CHCHD6: variants seen among roughly 807,000 people sequenced by gnomAD.
CHCHD6 encodes MICOS complex subunit MIC25.
Under a neutral mutation model 32.3 loss-of-function variants are expected in CHCHD6, and 28 were observed. That is an observed-to-expected ratio of 0.87 (90% confidence interval 0.64 to 1.19). CHCHD6 has a LOEUF of 1.19. Ranked by LOEUF, CHCHD6 falls within the 50% of genes most tolerant of loss-of-function variation. The probability of loss-of-function intolerance (pLI) is 0.00; values close to 1 mark genes in which losing one functional copy is unlikely to be tolerated. For missense variants in CHCHD6, 333 were observed against 307.0 expected (o/e 1.08, Z -0.63); for synonymous variants, 122 against 117.5 (o/e 1.04, Z -0.25).
At position 126,872,201 on chromosome 3, in the gene CHCHD6, A is replaced by G. The variant is rs534099774; in HGVS notation, c.495+19471A>G. On this transcript the variant is annotated intron_variant, in intron 5 of 7. Coordinates refer to ENST00000290913, the MANE Select transcript of CHCHD6 (RefSeq NM_032343.3). The stretch of plus-strand genomic sequence containing the variant: ...GGCCTGGGATGCAGCTCTCCACCCT[A>G]CAGTGCCCAGGACAGCCCCTCACAG... Among the ~76,000 whole-genome samples, 6 of 152,196 alleles carry G rather than the reference A, an allele frequency of 3.9e-5. No homozygotes were observed. The South Asian group carries it at 1.2e-3, about 32-fold the overall frequency.
chr3:126,955,059 G>A (rs933223972), intron 6 of CHCHD6, among the ~76,000 whole-genome samples: 1 of 152,242 alleles, frequency 6.6e-6, no homozygotes, highest in Non-Finnish European at 1.5e-5. Flanking sequence ...CAGAACCAAA[G>A]CTGTATGTGC....
At chr3:126,785,528 C>T (rs1190836237) in intron 4 of CHCHD6, among the ~76,000 whole-genome samples, 1 of 152,162 alleles carries the variant, frequency 6.6e-6, no homozygotes, top group African/African-American at 2.4e-5. Flanking sequence ...AGCTGCTTGC[C>T]ACAAATGTTG....
intron 4 of CHCHD6, among the ~76,000 whole-genome samples, chr3:126,791,031 C>G (rs1028028322): frequency 6.6e-6 from 1 of 152,180 alleles, no homozygotes; most frequent in Non-Finnish European, 1.5e-5. Flanking sequence ...TTGTTAGTTT[C>G]CCTTCTAACA....
chr3:126,806,098 C>T (rs1939363060), intron 4 of CHCHD6, among the ~76,000 whole-genome samples: 1 of 152,182 alleles, frequency 6.6e-6, no homozygotes. Flanking sequence ...CATAAAAACC[C>T]TAGAAGAAAA....
intron 4 of CHCHD6, among the ~76,000 whole-genome samples, chr3:126,792,743 A>G (rs1156622491): frequency 6.6e-6 from 1 of 152,184 alleles, no homozygotes; most frequent in Non-Finnish European, 1.5e-5. Context: ...AGTGTTCTGT[A>G]AATGTCAGAT....
chr3:126,786,291 T>C (rs1396523188), intron 4 of CHCHD6, among the ~76,000 whole-genome samples: 1 of 152,188 alleles, frequency 6.6e-6, no homozygotes, highest in Non-Finnish European at 1.5e-5. Flanking sequence ...TAAACATACA[T>C]GTGTGTGTGT....
At chr3:126,775,281 T>G (rs1225686275) in intron 4 of CHCHD6, among the ~76,000 whole-genome samples, 3 of 152,232 alleles carry the variant, frequency 2.0e-5, no homozygotes, top group Non-Finnish European at 4.4e-5. Flanking sequence ...TCCATCTTGT[T>G]GATCTGACAG....
intron 4 of CHCHD6, among the ~76,000 whole-genome samples, chr3:126,821,449 C>T (rs1481776371): frequency 6.6e-6 from 1 of 152,122 alleles, no homozygotes; most frequent in Non-Finnish European, 1.5e-5. Context: ...AGGTGCCCAC[C>T]ACCCCTGGCT....
chr3:126,899,931 T>C (rs1285203180), intron 5 of CHCHD6, among the ~76,000 whole-genome samples: 1 of 152,244 alleles, frequency 6.6e-6, no homozygotes, highest in Non-Finnish European at 1.5e-5. Context: ...TCCCTTGAGC[T>C]GATCAGACCA....
At chr3:126,739,388 A>G (rs529000656) in intron 4 of CHCHD6, among the ~76,000 whole-genome samples, 2 of 152,330 alleles carry the variant, frequency 1.3e-5, no homozygotes, top group African/African-American at 4.8e-5. Context: ...TAAAAACCAT[A>G]CTTAGCTCAG....
chr3:126,952,124 G>T (rs551320804), intron 6 of CHCHD6, among the ~76,000 whole-genome samples: 3 of 152,290 alleles, frequency 2.0e-5, no homozygotes, highest in Non-Finnish European at 4.4e-5. Context: ...CCTGCATTAT[G>T]TTCTGAAAGC....
intron 1 of CHCHD6, among the ~76,000 whole-genome samples, chr3:126,707,433 A>G (rs1444752760): frequency 1.3e-5 from 2 of 152,202 alleles, no homozygotes; most frequent in East Asian, 3.9e-4. Context: ...AATGTGTGAA[A>G]TACGTAAAGA....
chr3:126,911,468 G>A (rs1013321581), intron 5 of CHCHD6, among the ~76,000 whole-genome samples: 7 of 152,222 alleles, frequency 4.6e-5, no homozygotes, highest in East Asian at 3.8e-4. Context: ...GTTGTGGGCC[G>A]GAGACCTTCG....
At chr3:126,868,359 A>G (rs559649052) in intron 5 of CHCHD6, among the ~76,000 whole-genome samples, 241 of 152,136 alleles carry the variant, frequency 1.6e-3, no homozygotes, top group African/African-American at 5.7e-3. Flanking sequence ...GGCCCTCTCA[A>G]TCTTAAAAAC....
chr3:126,789,760 G>A (rs573345419), intron 4 of CHCHD6, among the ~76,000 whole-genome samples: 2 of 151,986 alleles, frequency 1.3e-5, no homozygotes, highest in Non-Finnish European at 2.9e-5. Flanking sequence ...CACACCGATG[G>A]GTCTTGACTC....
chr3:126,735,213 G>T (rs1026393310), intron 4 of CHCHD6, among the ~76,000 whole-genome samples: 2 of 152,112 alleles, frequency 1.3e-5, no homozygotes, highest in African/African-American at 4.8e-5. Flanking sequence ...CTGTCTCTTC[G>T]TTCTCACCTG....
chr3:126,707,962 A>G (rs1356255327), intron 1 of CHCHD6, among the ~76,000 whole-genome samples: 1 of 152,270 alleles, frequency 6.6e-6, no homozygotes, highest in Non-Finnish European at 1.5e-5. Context: ...CTGTCATCAT[A>G]GAGACCTCAG....
At chr3:126,887,881 G>C (rs2077700488) in intron 5 of CHCHD6, among the ~76,000 whole-genome samples, 2 of 152,224 alleles carry the variant, frequency 1.3e-5, no homozygotes, top group African/African-American at 4.8e-5. Flanking sequence ...GAGTATGCTA[G>C]TTGCCAGCTT....
At chr3:126,854,430 G>A (rs1429507866) in intron 5 of CHCHD6, among the ~76,000 whole-genome samples, 1 of 152,192 alleles carries the variant, frequency 6.6e-6, no homozygotes, top group East Asian at 1.9e-4. Context: ...GATTAAAGGG[G>A]AGCCAGGGGG....
Sources: gnomAD v4.1 joint callset for allele counts (sites outside exome capture counted in the v4.1 genomes callset) on GRCh38, gnomAD v4.1.1 for gene constraint, MANE v1.5 for transcripts, NCBI Gene and HGNC (gene_info 2026-07-23, HGNC 2026-07-21) for gene names.